ADAMTS6: variants seen among roughly 807,000 people sequenced by gnomAD.
ADAMTS6 encodes ADAM metallopeptidase with thrombospondin type 1 motif 6, also known as A disintegrin and metalloproteinase with thrombospondin motifs 6.
In ADAMTS6, 23 loss-of-function variants were observed where a neutral mutation model predicts 144.3. That is an observed-to-expected ratio of 0.16 (90% CI 0.11 to 0.23). The LOEUF (loss-of-function observed/expected upper bound fraction) is 0.23. Among genes scored for constraint, ADAMTS6 ranks in the 10% least tolerant of loss-of-function variants. The pLI is 1.00. For synonymous variants in ADAMTS6, 444 were observed against 457.5 expected (o/e 0.97, Z 0.38); for missense variants, 999 against 1,379.6 (o/e 0.72, Z 4.37).
chr5:65,399,315 T>A (rs1247328123), intron 7 of ADAMTS6, among the ~76,000 whole-genome samples: 1 of 152,218 alleles, frequency 6.6e-6, no homozygotes. Flanking sequence ...TTTTTCTTAT[T>A]CACTCTAACA....
intron 7 of ADAMTS6, among the ~76,000 whole-genome samples, chr5:65,357,466 ACATATT>A (rs1749424513): frequency 6.6e-6 from 1 of 151,700 alleles, no homozygotes; most frequent in Non-Finnish European, 1.5e-5. Flanking sequence ...AAAAAAAAGA[ACATATT>A]AAGCCTAGAG....
intron 15 of ADAMTS6, among the ~76,000 whole-genome samples, chr5:65,228,165 C>T (rs1757863661): frequency 6.6e-6 from 1 of 152,090 alleles, no homozygotes; most frequent in African/African-American, 2.4e-5. Context: ...GAAATTTTTT[C>T]ATTATTACCC....
intron 7 of ADAMTS6, among the ~76,000 whole-genome samples, chr5:65,369,834 T>A (rs1379538939): frequency 6.6e-6 from 1 of 152,196 alleles, no homozygotes; most frequent in African/African-American, 2.4e-5. Flanking sequence ...TTGCTGTGAT[T>A]AATTCTGCAC....
At chr5:65,354,809 T>C (rs1233200168) in intron 7 of ADAMTS6, among the ~76,000 whole-genome samples, 3 of 151,846 alleles carry the variant, frequency 2.0e-5, no homozygotes, top group Non-Finnish European at 4.4e-5. Flanking sequence ...TGTGGCATTA[T>C]AATGTAACTA....
At chr5:65,452,656 A>C in intron 5 of ADAMTS6, 51 bp downstream of exon 5, 1 of 1,589,574 alleles carries the variant, frequency 6.3e-7, no homozygotes. Context: ...GACCTTAGTC[A>C]AAAACACAAC....
intron 7 of ADAMTS6, among the ~76,000 whole-genome samples, chr5:65,381,182 CTT>C (rs1455198762): frequency 6.6e-5 from 10 of 152,170 alleles, no homozygotes; most frequent in African/African-American, 2.4e-4. Flanking sequence ...GTCTCTCTCT[CTT>C]GTTCTCTCTT....
chr5:65,162,419 C>T (rs1752832533), intron 24 of ADAMTS6, among the ~76,000 whole-genome samples: 1 of 152,136 alleles, frequency 6.6e-6, no homozygotes, highest in South Asian at 2.1e-4. Context: ...AAATACCCTA[C>T]TTTAAAGACT....
In ADAMTS6 at chr5:65,294,442, T is replaced by C. The variant is rs556594920; in HGVS notation, c.1371-2972A>G. On this transcript the variant is annotated intron_variant, in intron 10 of 24. Transcript: ENST00000381055. ...CCAGGCTGGTCTAGAACTCCTGGTC[T>C]CAAGAGATCTTCCTGCCTTGGCCTC... Among the ~76,000 whole-genome samples, 7 of 152,310 alleles carry C rather than the reference T, an allele frequency of 4.6e-5. No homozygotes were observed. The East Asian group carries it at 9.7e-4, about 21-fold the overall frequency.
At chr5:65,392,284 T>C (rs1412653532) in intron 7 of ADAMTS6, among the ~76,000 whole-genome samples, 2 of 152,134 alleles carry the variant, frequency 1.3e-5, no homozygotes, top group African/African-American at 4.8e-5. Context: ...TAATAAGCAG[T>C]CTAACACTTG....
rs1333299414 is a variant in ADAMTS6 at position 65,398,757 on chromosome 5, G to GA, written c.1073+52717dup. On this transcript the variant is annotated intron_variant, in intron 7 of 24. Coordinates refer to ENST00000381055, the MANE Select transcript of ADAMTS6 (RefSeq NM_197941.4). ...AGAGAAAGAGAGATAAAGAGAGAAAGAGAGAGAGAGAAAGAAGAGAGAGCA... is the reference window on the plus strand; with the variant it reads ...AGAGAAAGAGAGATAAAGAGAGAAAGAAGAGAGAGAGAAAGAAGAGAGAGCA... Among the ~76,000 whole-genome samples, 248 of 146,616 alleles carry GA rather than the reference G, an allele frequency of 1.7e-3. 3 individuals are homozygous for GA. The highest frequency in any genetic ancestry group is 6.1e-3 in the African/African-American group (242 of 39,532).
intron 18 of ADAMTS6, among the ~76,000 whole-genome samples, chr5:65,217,041 C>T (rs893726917): frequency 6.6e-6 from 1 of 152,158 alleles, no homozygotes; most frequent in African/African-American, 2.4e-5. Flanking sequence ...CTTCATACTA[C>T]AGACCATTGT....
At chr5:65,442,496 C>A (rs1022589963) in intron 7 of ADAMTS6, among the ~76,000 whole-genome samples, 3 of 152,050 alleles carry the variant, frequency 2.0e-5, no homozygotes, top group Non-Finnish European at 4.4e-5. Flanking sequence ...CAATTCTATA[C>A]AAACTCTTCC....
chr5:65,175,350 CAA>C (rs1753906169), intron 22 of ADAMTS6, among the ~76,000 whole-genome samples: 1 of 144,770 alleles, frequency 6.9e-6, no homozygotes, highest in African/African-American at 2.6e-5. Context: ...GACAGAAAGT[CAA>C]AGAGAGAAAG....
chr5:65,408,711 A>G (rs531106659), intron 7 of ADAMTS6, among the ~76,000 whole-genome samples: 3 of 152,212 alleles, frequency 2.0e-5, no homozygotes, highest in Non-Finnish European at 2.9e-5. Context: ...TCTCAGCAAC[A>G]TATCGCACTT....
chr5:65,211,965 A>G lies in ADAMTS6; in HGVS notation c.2575+2829T>C, dbSNP rs560966106. ...TTACAAAGATGCACAGACTTCAGTG[A>G]TGAAGACACGGATTCCACGTGTCTA... On this transcript the variant is annotated intron_variant, in intron 20 of 24. Transcript: ENST00000381055. 5.3e-5 allele frequency among the ~76,000 whole-genome samples: 8 copies of G among 152,322 alleles called. No homozygotes were observed. The South Asian group carries it at 1.5e-3, about 28-fold the overall frequency.
intron 11 of ADAMTS6, among the ~76,000 whole-genome samples, chr5:65,283,913 C>T (rs897310097): frequency 3.3e-5 from 5 of 152,104 alleles, no homozygotes; most frequent in African/African-American, 9.7e-5. Flanking sequence ...TGTTCCAAAA[C>T]CAGAAAATGG....
At chr5:65,457,270 G>T (rs1482046986) in intron 4 of ADAMTS6, among the ~76,000 whole-genome samples, 2 of 152,180 alleles carry the variant, frequency 1.3e-5, no homozygotes, top group African/African-American at 4.8e-5. Context: ...AGCATAATTA[G>T]AAAGTCAGTA....
At chr5:65,226,331 A>G in intron 15 of ADAMTS6, 112 bp from the exon 16 acceptor site, 1 of 1,118,524 alleles carries the variant, frequency 8.9e-7, no homozygotes, top group Non-Finnish European at 1.2e-6. Context: ...CCCTGCTTAT[A>G]TGCCTGATTG....
chr5:65,203,641 T>C (rs903580176), intron 20 of ADAMTS6, among the ~76,000 whole-genome samples: 1 of 152,190 alleles, frequency 6.6e-6, no homozygotes, highest in Non-Finnish European at 1.5e-5. Context: ...GATATAATCA[T>C]ATACAAACTG....
Sources: gnomAD v4.1 joint callset for allele counts (sites outside exome capture counted in the v4.1 genomes callset) on GRCh38, gnomAD v4.1.1 for gene constraint, MANE v1.5 for transcripts, NCBI Gene and HGNC (gene_info 2026-07-23, HGNC 2026-07-21) for gene names.